TYW1: variants seen among roughly 807,000 people sequenced by gnomAD.
The protein encoded by TYW1 is S-adenosyl-L-methionine-dependent tRNA 4-demethylwyosine synthase TYW1.
In TYW1, 46 loss-of-function variants were observed where a neutral mutation model predicts 96.2. The observed-to-expected ratio is 0.48, with a 90% CI of 0.38 to 0.61. The LOEUF is 0.61. TYW1 is among the 20% of genes least tolerant of loss of function. The probability of loss-of-function intolerance (pLI) is 0.00; values close to 1 mark genes in which losing one functional copy is unlikely to be tolerated. For synonymous variants in TYW1, 274 were observed against 323.0 expected, an observed-to-expected ratio of 0.85 and a Z score of 1.63; for missense variants, 684 against 909.6, an observed-to-expected ratio of 0.75 and a Z score of 3.19.
chr7:67,097,367 A>G (rs979884736), intron 11 of TYW1, among the ~76,000 whole-genome samples: 1 of 152,178 alleles, frequency 6.6e-6, no homozygotes, highest in Admixed American at 6.6e-5. Context: ...ACTCTGATGA[A>G]ACAGACTCTT....
intron 3 of TYW1, among the ~76,000 whole-genome samples, chr7:67,000,006 G>A (rs1321431110): frequency 4.6e-5 from 7 of 151,354 alleles, no homozygotes; most frequent in Non-Finnish European, 8.8e-5. Context: ...TGCCATCTTC[G>A]CTCACTGCAA....
At chr7:67,084,315 TGTG>T (rs1444306465) in intron 11 of TYW1, among the ~76,000 whole-genome samples, 2 of 152,210 alleles carry the variant, frequency 1.3e-5, no homozygotes, top group African/African-American at 4.8e-5. Context: ...TGCACAGTAA[TGTG>T]GTAAAAATTC....
chr7:66,999,062 G>A (rs1239007344), intron 3 of TYW1, 108 bp downstream of exon 3: 8 of 1,123,934 alleles, frequency 7.1e-6, no homozygotes, highest in Non-Finnish European at 1.0e-5. Context: ...AACTGAATTG[G>A]TCATCTAACC....
At chr7:67,060,977 C>T (rs1165959362) in intron 9 of TYW1, among the ~76,000 whole-genome samples, 1 of 152,150 alleles carries the variant, frequency 6.6e-6, no homozygotes, top group Non-Finnish European at 1.5e-5. Context: ...CCTGAAATCC[C>T]AGCACTTTCA....
intron 10 of TYW1, among the ~76,000 whole-genome samples, chr7:67,068,878 A>G (rs1291142107): frequency 1.3e-5 from 2 of 152,192 alleles, no homozygotes; most frequent in East Asian, 3.8e-4. Context: ...TAATGGCACT[A>G]TTAGCCATCT....
At chr7:67,008,986 C>T (rs1344299541) in intron 3 of TYW1, among the ~76,000 whole-genome samples, 1 of 152,002 alleles carries the variant, frequency 6.6e-6, no homozygotes, top group Non-Finnish European at 1.5e-5. Context: ...TCTTTTTGCA[C>T]TTCTCTGTGT....
At chr7:67,179,116 G>A (rs1369939933) in intron 13 of TYW1, among the ~76,000 whole-genome samples, 1 of 138,044 alleles carries the variant, frequency 7.2e-6, no homozygotes, top group Non-Finnish European at 1.6e-5. Context: ...AATGGGCATT[G>A]TATGGGCTCC....
At chr7:67,163,192 C>G (rs35048638) in intron 13 of TYW1, among the ~76,000 whole-genome samples, 1 of 152,080 alleles carries the variant, frequency 6.6e-6, no homozygotes, top group East Asian at 1.9e-4. Context: ...TCTAATTTCT[C>G]CCAACCTCCA....
At chr7:67,216,223 T>C (rs1435806445) in intron 15 of TYW1, among the ~76,000 whole-genome samples, 1 of 147,974 alleles carries the variant, frequency 6.8e-6, no homozygotes, top group African/African-American at 2.5e-5. Flanking sequence ...TATAGATAAT[T>C]TTTTTCTTTA....
chr7:67,003,124 G>A (rs1464347901), intron 3 of TYW1, among the ~76,000 whole-genome samples: 1 of 151,834 alleles, frequency 6.6e-6, no homozygotes, highest in Non-Finnish European at 1.5e-5. Flanking sequence ...CTTTCATATC[G>A]AGTTACCTAT....
chr7:67,148,561 G>T (rs1400989070), intron 13 of TYW1, among the ~76,000 whole-genome samples: 1 of 151,552 alleles, frequency 6.6e-6, no homozygotes, highest in Non-Finnish European at 1.5e-5. Context: ...GAGTAGCTGG[G>T]ACTACAGGCG....
In TYW1 at chr7:67,080,459, G is replaced by A. The variant is rs1466161670; in HGVS notation, c.1275-2971G>A. On this transcript the variant is annotated intron_variant, in intron 10 of 15. Transcript: ENST00000359626. ...CCTGCTCTGTTGCCCAGGCTGGGGT[G>A]CAGTGGCACAATCTCGGCTCACTGC... 2.0e-5 allele frequency among the ~76,000 whole-genome samples: 3 copies of A among 150,882 alleles called. No homozygotes were observed. The East Asian group carries it at 5.8e-4, about 29-fold the overall frequency.
At chr7:67,061,238 A>G (rs1216132303) in intron 9 of TYW1, among the ~76,000 whole-genome samples, 1 of 152,090 alleles carries the variant, frequency 6.6e-6, no homozygotes, top group Non-Finnish European at 1.5e-5. Context: ...AAAAAGAAAA[A>G]TTATCTAGTT....
chr7:67,165,986 T>C (rs1044909838), intron 13 of TYW1, among the ~76,000 whole-genome samples: 26 of 152,130 alleles, frequency 1.7e-4, no homozygotes, highest in African/African-American at 4.6e-4. Flanking sequence ...ATGCCTGTAA[T>C]CCCAACACTT....
In TYW1 at chr7:67,233,304, T is replaced by A. The variant is rs1416110515; in HGVS notation, c.1978-5004T>A. On this transcript the variant is annotated intron_variant, in intron 15 of 15. Transcript: ENST00000359626. The stretch of plus-strand genomic sequence containing the variant: ...TCTACCATCTTTAATAGAATCTTTT[T>A]AAACATTTACACTAACAGAGAACCT... Among the ~76,000 whole-genome samples, 7 of 136,456 alleles carry A rather than the reference T, an allele frequency of 5.1e-5. 2 individuals are homozygous for A. The Admixed American group carries it at 5.1e-4, about 10-fold the overall frequency. The allele number at this position is 136,456 out of a possible 152,430, so 89.5% of individuals were successfully genotyped here.
chr7:67,090,702 C>CTG (rs143608918), intron 11 of TYW1, among the ~76,000 whole-genome samples: 49 of 151,198 alleles, frequency 3.2e-4, no homozygotes, highest in South Asian at 2.1e-4. Context: ...GTATGTGTGC[C>CTG]TGTGTGTGTG....
chr7:67,225,043 T>A (rs1801512993), intron 15 of TYW1, among the ~76,000 whole-genome samples: 1 of 151,298 alleles, frequency 6.6e-6, no homozygotes, highest in Admixed American at 6.6e-5. Context: ...ATATAAAAAT[T>A]AGGTGGGCAT....
At chr7:67,157,329 A>G (rs1799015035) in intron 13 of TYW1, among the ~76,000 whole-genome samples, 1 of 152,230 alleles carries the variant, frequency 6.6e-6, no homozygotes, top group Non-Finnish European at 1.5e-5. Flanking sequence ...TCTGTCACCC[A>G]GGCTGGAGTG....
At position 67,085,372 on chromosome 7, in the gene TYW1, G is replaced by A. The variant is rs1036748337; in HGVS notation, c.1384+1833G>A. ...CTCATGATAGTGAGTGAGTTCTCAC[G>A]AGATCTGATGGTTTTATGAGGGGCT... On this transcript the variant is annotated intron_variant, in intron 11 of 15. Coordinates refer to ENST00000359626, the MANE Select transcript of TYW1 (RefSeq NM_018264.4). Among the ~76,000 whole-genome samples, 129 of 152,118 alleles carry A rather than the reference G, an allele frequency of 8.5e-4. 1 individual carries two copies. Among genetic ancestry groups the A allele is most frequent in the African/African-American group, 2.9e-3 (120 of 41,412 alleles).
Sources: gnomAD v4.1 joint callset for allele counts (sites outside exome capture counted in the v4.1 genomes callset) on GRCh38, gnomAD v4.1.1 for gene constraint, MANE v1.5 for transcripts, NCBI Gene and HGNC (gene_info 2026-07-23, HGNC 2026-07-21) for gene names.